Variants in UPF2 observed in about 807,000 individuals in gnomAD.
UPF2 encodes the protein regulator of nonsense transcripts 2.
UPF2 carries 17 observed loss-of-function variants against 141.4 expected under a neutral mutation model. That is an observed-to-expected ratio of 0.12 (90% CI 0.08 to 0.18). The LOEUF (loss-of-function observed/expected upper bound fraction) is 0.18. UPF2 is among the 10% of genes least tolerant of loss of function. UPF2 has a pLI of 1.00. For missense variants in UPF2, 1,152 were observed against 1,515.9 expected (o/e 0.76, Z 3.99); for synonymous variants, 540 against 498.0 (o/e 1.08, Z -1.12).
intron 16 of UPF2, among the ~76,000 whole-genome samples, chr10:11,946,898 T>A (rs1189721997): frequency 1.3e-5 from 2 of 152,190 alleles, no homozygotes; most frequent in African/African-American, 4.8e-5. Context: ...TAAGTGAGTT[T>A]GGAAGAAAAA....
rs1369267650 is a variant in UPF2 at position 11,931,917 on chromosome 10, G to C, written c.3547-135C>G. 3.5e-6 allele frequency: 3 copies of C among 866,482 alleles called. No individual in the cohort carries two copies. Among genetic ancestry groups the C allele is most frequent in the African/African-American group, 3.5e-5 (2 of 57,408 alleles). The allele number at this position is 866,482 out of a possible 1,614,324, so 53.7% of individuals were successfully genotyped here. ...TGTAATCCCAGCACTTTGGGAGGCC[G>C]AGGCGGGCGGATCACGAGGTCAAGA... On this transcript the variant is annotated intron_variant, in intron 19 of 21. Transcript: ENST00000357604. The surrounding 1 kb of genome is among the most constrained non-coding windows in gnomAD (Gnocchi z 5.9).
At chr10:11,926,527 G>A (rs565889892) in intron 21 of UPF2, among the ~76,000 whole-genome samples, 7 of 152,292 alleles carry the variant, frequency 4.6e-5, no homozygotes, top group Admixed American at 2.6e-4. Context: ...CAGTGATCGC[G>A]GGAAGGGAAA....
In UPF2 at chr10:11,940,098, T is replaced by C. The variant is rs1832919052; in HGVS notation, c.3378+2567A>G. Among the ~76,000 whole-genome samples the C allele has an allele frequency of 6.6e-6, 1 of 152,324 alleles. No individual in the cohort carries two copies. Among genetic ancestry groups the C allele is most frequent in the Non-Finnish European group, 1.5e-5 (1 of 68,026 alleles). On this transcript the variant is annotated intron_variant, in intron 18 of 21. Transcript: ENST00000357604. The surrounding 1 kb of genome is among the most constrained non-coding windows in gnomAD (Gnocchi z 4.2). ...AAACAAAGAGACTCTGTACAGTTGTTCAGTATTTTGATAATGCTGAAAAAC... is the reference window on the plus strand; with the variant it reads ...AAACAAAGAGACTCTGTACAGTTGTCCAGTATTTTGATAATGCTGAAAAAC...
chr10:11,985,621 C>CAAAA (rs1254604523), intron 8 of UPF2, among the ~76,000 whole-genome samples: 2 of 82,832 alleles, frequency 2.4e-5, no homozygotes, highest in African/African-American at 4.5e-5. Flanking sequence ...AGTCCGTCTC[C>CAAAA]AAAAAAAAAA....
At chr10:12,031,637 A>G (rs1267681713) in intron 2 of UPF2, among the ~76,000 whole-genome samples, 1 of 152,144 alleles carries the variant, frequency 6.6e-6, no homozygotes, top group Non-Finnish European at 1.5e-5. Context: ...TTAGCTGGAC[A>G]TGGTGGCACA....
intron 1 of UPF2, among the ~76,000 whole-genome samples, chr10:12,040,758 C>T (rs2131324444): frequency 6.6e-6 from 1 of 152,302 alleles, no homozygotes; most frequent in East Asian, 1.9e-4. Context: ...TCTGAGTCCA[C>T]TTATTTATCA....
chr10:11,997,638 A>G, intron 8 of UPF2, 34 bp downstream of exon 8: 2 of 1,597,704 alleles, frequency 1.3e-6, no homozygotes, highest in Non-Finnish European at 1.7e-6. Context: ...TACAGAGTAA[A>G]AACACTAATA....
At chr10:11,974,996 G>A (rs1451613365) in intron 9 of UPF2, among the ~76,000 whole-genome samples, 1 of 151,922 alleles carries the variant, frequency 6.6e-6, no homozygotes, top group Non-Finnish European at 1.5e-5. Flanking sequence ...CTATAATGGG[G>A]GTATATAGTC....
At chr10:12,010,007 A>C (rs1200093051) in intron 4 of UPF2, among the ~76,000 whole-genome samples, 4 of 152,296 alleles carry the variant, frequency 2.6e-5, no homozygotes, top group Non-Finnish European at 5.9e-5. Flanking sequence ...CACAAGGCTG[A>C]CTGGAAGAAT....
At chr10:11,978,120 A>T (rs1833535919) in intron 9 of UPF2, among the ~76,000 whole-genome samples, 1 of 152,216 alleles carries the variant, frequency 6.6e-6, no homozygotes, top group African/African-American at 2.4e-5. Flanking sequence ...ATTAATTTTT[A>T]TTTAAACCTT....
At chr10:11,988,204 G>C (rs1048514273) in intron 8 of UPF2, among the ~76,000 whole-genome samples, 1 of 152,198 alleles carries the variant, frequency 6.6e-6, no homozygotes, top group African/African-American at 2.4e-5. Flanking sequence ...GTATCCATGA[G>C]GGACTGGTTC....
rs1414686105 is a variant in UPF2 at position 11,936,321 on chromosome 10, G to C, written c.3546+224C>G. Among the ~76,000 whole-genome samples, 1 of 151,860 alleles carries C rather than the reference G, an allele frequency of 6.6e-6. No homozygotes were observed. The highest frequency in any genetic ancestry group is 1.5e-5 in the Non-Finnish European group (1 of 67,988). On this transcript the variant is annotated intron_variant, in intron 19 of 21. Transcript: ENST00000357604. The surrounding 1 kb of genome is among the most constrained non-coding windows in gnomAD (Gnocchi z 6.6). ...GGAGGAGGAGGTTGCAGTGAGCCAA[G>C]ACCCTGCCACTCCAGCCTGGGCGAC...
At chr10:11,943,239 G>T (rs761941941) in intron 16 of UPF2, 71 bp from the exon 17 acceptor site, 11 of 1,274,254 alleles carry the variant, frequency 8.6e-6, no homozygotes, top group Non-Finnish European at 1.1e-5. Context: ...GCCTTAAAAA[G>T]ATTTCAAAAC....
rs1402954817 is a variant in UPF2 at position 12,014,347 on chromosome 10, T to C, written c.1146-163A>G. Reference sequence around the variant, plus strand: ...TAGTATTTTCAAAATGTATCTGAAATGTATAATGAAATTCACCTGAACATT... The same window carrying C: ...TAGTATTTTCAAAATGTATCTGAAACGTATAATGAAATTCACCTGAACATT... On this transcript the variant is annotated intron_variant, in intron 3 of 21. Coordinates refer to ENST00000357604, the MANE Select transcript of UPF2 (RefSeq NM_015542.4). The surrounding 1 kb of genome is among the most constrained non-coding windows in gnomAD (Gnocchi z 5.0). Among the ~76,000 whole-genome samples the C allele has an allele frequency of 2.0e-5, 3 of 152,234 alleles. No homozygotes were observed. Among genetic ancestry groups the C allele is most frequent in the South Asian group, 2.1e-4 (1 of 4,834 alleles).
chr10:11,974,804 T>G (rs1341342943), intron 9 of UPF2, among the ~76,000 whole-genome samples: 1 of 152,206 alleles, frequency 6.6e-6, no homozygotes, highest in African/African-American at 2.4e-5. Flanking sequence ...AAAACTTTTG[T>G]GAACCAGTGA....
At position 12,025,836 on chromosome 10, in the gene UPF2, C is replaced by G. The variant is rs561700222; in HGVS notation, c.1145+2909G>C. 3.9e-5 allele frequency among the ~76,000 whole-genome samples: 6 copies of G among 152,166 alleles called. No individual in the cohort carries two copies. The South Asian group carries it at 1.2e-3, about 32-fold the overall frequency. On this transcript the variant is annotated intron_variant, in intron 3 of 21. Coordinates refer to ENST00000357604, the MANE Select transcript of UPF2 (RefSeq NM_015542.4). ...TCGAGACAGGGTCTCTCTCTGTCGC[C>G]CAGGCTAGAGTGCAGTGGTGCGATC...
rs538608974 is a variant in UPF2, at chr10:11,956,005, G to A, written c.2574+315C>T. Among the ~76,000 whole-genome samples the A allele has an allele frequency of 7.9e-5, 12 of 152,204 alleles. No homozygotes were observed. Among genetic ancestry groups the A allele is most frequent in the African/African-American group, 2.4e-4 (10 of 41,538 alleles). ...AAAAATACAAAAAAATTAGCTAGGCGTGGTGGCATGCACCTGTAGTAGTCC... is the reference window on the plus strand; with the variant it reads ...AAAAATACAAAAAAATTAGCTAGGCATGGTGGCATGCACCTGTAGTAGTCC... On this transcript the variant is annotated intron_variant, in intron 13 of 21. Transcript: ENST00000357604. The surrounding 1 kb of genome is among the most constrained non-coding windows in gnomAD (Gnocchi z 4.2).
chr10:11,999,837 G>C (rs1177077317), intron 7 of UPF2, 69 bp downstream of exon 7: 6 of 1,257,300 alleles, frequency 4.8e-6, no homozygotes, highest in African/African-American at 3.0e-5. Flanking sequence ...AAAAACCATA[G>C]ACATTCCTTA....
At chr10:11,924,590 CT>C (rs1396875013) in intron 21 of UPF2, among the ~76,000 whole-genome samples, 1 of 145,706 alleles carries the variant, frequency 6.9e-6, no homozygotes, top group Non-Finnish European at 1.5e-5. Context: ...AAAAAAAAAT[CT>C]TTTTTTTAAA....
Sources: allele counts gnomAD v4.1 joint callset (sites outside exome capture counted in the v4.1 genomes callset), GRCh38; gene constraint gnomAD v4.1.1; non-coding constraint Gnocchi (gnomAD v3.1); transcripts MANE v1.5; gene names NCBI Gene and HGNC (gene_info 2026-07-23, HGNC 2026-07-21).